PIEZO1: variants seen among roughly 807,000 people sequenced by gnomAD.
PIEZO1 encodes the protein piezo-type mechanosensitive ion channel component 1.
PIEZO1 carries 296 observed loss-of-function variants against 297.2 expected under a neutral mutation model. The observed-to-expected ratio is 1.00, with a 90% CI of 0.91 to 1.10. PIEZO1 has a LOEUF of 1.10. Among genes scored for constraint, PIEZO1 ranks in the 50% least tolerant of loss-of-function variants. The pLI is 0.00. For synonymous variants in PIEZO1, 2,427 were observed against 1,507.5 expected, an observed-to-expected ratio of 1.61 and a Z score of -14.13; for missense variants, 5,018 against 3,455.5, an observed-to-expected ratio of 1.45 and a Z score of -11.34.
At chr16:88,765,275 G>C (rs997589287) in intron 1 of PIEZO1, among the ~76,000 whole-genome samples, 4 of 152,248 alleles carry the variant, frequency 2.6e-5, no homozygotes, top group African/African-American at 9.6e-5. Flanking sequence ...GCAGCCTGGA[G>C]AGGGGGTGTC....
rs903603940 is a variant in PIEZO1 at position 88,721,638 on chromosome 16, T to G, written c.5303A>C (p.Tyr1768Ser). The G allele has an allele frequency of 6.5e-7, 1 of 1,549,960 alleles. No individual in the cohort carries two copies. Among genetic ancestry groups the G allele is most frequent in the South Asian group, 1.2e-5 (1 of 84,042 alleles). ...CAGGCCCAGGATGCGGGGCGGGAAG[T>G]AGGGCTTGTTCTCGTAGCGCCGCAG... ...VVLRRYENKP[Y>S]FPPRILGLEK... Residue 1768 changes from tyrosine to serine, a missense_variant, in exon 38 of 51, where the codon TAC becomes TCC. Coordinates refer to ENST00000301015, the MANE Select transcript of PIEZO1 (RefSeq NM_001142864.4).
Position 88,743,516 on chromosome 16 carries a change from T to C in PIEZO1, c.161-1094A>G, listed in dbSNP as rs770196707. The C allele has an allele frequency of 1.1e-5, 5 of 455,962 alleles. 1 individual carries two copies. Among genetic ancestry groups the C allele is most frequent in the Admixed American group, 7.1e-5 (3 of 42,536 alleles). The allele number at this position is 455,962 out of a possible 1,614,324, so 28.2% of individuals were successfully genotyped here. A position where few individuals can be genotyped will look rare whatever the true frequency, so the allele number is the denominator to read the frequency against. The stretch of plus-strand genomic sequence containing the variant: ...GTAGCATCTGGGTCTGGGTCCAAGG[T>C]GGTGAATGTCACCACCACATCTGCC... On this transcript the variant is annotated intron_variant, in intron 2 of 50. Transcript: ENST00000301015.
intron 19 of PIEZO1, 47 bp downstream of exon 19, chr16:88,733,231 A>G: frequency 6.6e-7 from 1 of 1,507,224 alleles, no homozygotes; most frequent in Admixed American, 2.0e-5. Flanking sequence ...CTGCGAATAC[A>G]GAGTTGCCTG....
At chr16:88,716,937 C>T (rs1360007555) in intron 45 of PIEZO1, 39 bp from the exon 46 acceptor site, 40 of 1,546,588 alleles carry the variant, frequency 2.6e-5, no homozygotes, top group African/African-American at 1.5e-4. Flanking sequence ...CGAAGATGAG[C>T]GTGGAGGAGC....
chr16:88,716,945 A>T, intron 45 of PIEZO1, 47 bp from the exon 46 acceptor site: 1 of 1,546,448 alleles, frequency 6.5e-7, no homozygotes, highest in Non-Finnish European at 8.7e-7. Context: ...AGCGTGGAGG[A>T]GCGGCTGGGG....
chr16:88,731,761 C>A lies in PIEZO1; in HGVS notation c.3141G>T (p.Leu1047=). 6.5e-7 allele frequency: 1 copy of A among 1,549,818 alleles called. No individual in the cohort carries two copies. ...ACAGCAGGTACTGGTACAGCAGGAACAGCGCCAGGAAGAGGCAGTAGTTGG... is the reference window on the plus strand; with the variant it reads ...ACAGCAGGTACTGGTACAGCAGGAAAAGCGCCAGGAAGAGGCAGTAGTTGG... ...LWPNYCLFLA[L]FLLYQYLLCL... is the part of the protein sequence containing the mutation. The change falls in exon 22 of 51, where the codon CTG becomes CTT. Residue 1047 remains leucine, a synonymous_variant. Transcript: ENST00000301015.
At chr16:88,742,019 G>T in intron 4 of PIEZO1, 34 bp downstream of exon 4, 1 of 1,533,986 alleles carries the variant, frequency 6.5e-7, no homozygotes, top group Non-Finnish European at 8.7e-7. Flanking sequence ...CCCAAGGGAG[G>T]CTTGCTGGTT....
chr16:88,747,319 C>T (rs768977058), intron 2 of PIEZO1, among the ~76,000 whole-genome samples: 15 of 151,976 alleles, frequency 9.9e-5, no homozygotes, highest in Non-Finnish European at 8.8e-5. Flanking sequence ...AGTTCAAGAC[C>T]AGCCTGGCCA....
chr16:88,736,126 G>C, intron 12 of PIEZO1, 22 bp downstream of exon 12: 1 of 1,527,986 alleles, frequency 6.5e-7, no homozygotes, highest in Non-Finnish European at 8.8e-7. Flanking sequence ...AGGCACCCCC[G>C]GATGTGGTGG....
chr16:88,730,675 T>TCCTGC (rs1369249079), intron 22 of PIEZO1, among the ~76,000 whole-genome samples: 2 of 149,358 alleles, frequency 1.3e-5, no homozygotes, highest in Non-Finnish European at 3.0e-5. Flanking sequence ...CAAGGGATGC[T>TCCTGC]CCTGCCTCAG....
At position 88,725,827 on chromosome 16, in the gene PIEZO1, T is replaced by C. The variant is rs568207735; in HGVS notation, c.3969-143A>G. 5.6e-4 allele frequency: 347 copies of C among 624,116 alleles called. 5 individuals are homozygous for C. In the South Asian group the frequency reaches 6.3e-3, roughly 11 times the overall value. The allele number at this position is 624,116 out of a possible 1,614,324, so 38.7% of individuals were successfully genotyped here. On this transcript the variant is annotated intron_variant, in intron 27 of 50. Coordinates refer to ENST00000301015, the MANE Select transcript of PIEZO1 (RefSeq NM_001142864.4). ...ACAAGAGGCACCCACGGGGGAGGCA[T>C]CTGCTGCCCCCACCCTCCGTGCTGT...
chr16:88,728,635 CA>C (rs1904624511), intron 22 of PIEZO1, among the ~76,000 whole-genome samples: 1 of 47,908 alleles, frequency 2.1e-5, no homozygotes, highest in East Asian at 1.2e-3. Context: ...AACCTCGCGA[CA>C]CAAAAACAAA....
intron 36 of PIEZO1, 23 bp from the exon 37 acceptor site, chr16:88,722,089 G>T (rs1041149359): frequency 1.6e-5 from 24 of 1,538,602 alleles, no homozygotes; most frequent in Non-Finnish European, 2.0e-5. Context: ...CCGCGTGTTT[G>T]GGGGAGTCTG....
intron 1 of PIEZO1, among the ~76,000 whole-genome samples, chr16:88,759,699 G>A (rs1327275805): frequency 1.3e-5 from 2 of 152,246 alleles, no homozygotes; most frequent in African/African-American, 4.8e-5. Context: ...TGAGGGCTCA[G>A]ACGGATCCCA....
intron 32 of PIEZO1, 29 bp from the exon 33 acceptor site, chr16:88,723,180 G>C (rs1345042464): frequency 1.9e-6 from 3 of 1,549,176 alleles, no homozygotes; most frequent in Non-Finnish European, 2.6e-6. Flanking sequence ...TGAGTGACTG[G>C]CAGTCCCGCG....
At chr16:88,781,511 TC>T (rs1907937136) in intron 1 of PIEZO1, among the ~76,000 whole-genome samples, 1 of 152,216 alleles carries the variant, frequency 6.6e-6, no homozygotes, top group South Asian at 2.1e-4. Flanking sequence ...TCATCCAGCC[TC>T]CAGGCCCAGC....
Position 88,784,893 on chromosome 16 carries a change from C to G in PIEZO1, c.64+8G>C, listed in dbSNP as rs1406765973. 2 of 1,437,886 alleles carry G rather than the reference C, an allele frequency of 1.4e-6. No individual in the cohort carries two copies. The highest frequency in any genetic ancestry group is 2.4e-5 in the Admixed American group (1 of 41,774). 89.1% of individuals were successfully genotyped at this position (1,437,886 alleles called of 1,614,324 possible). A position where few individuals can be genotyped will look rare whatever the true frequency, so the allele number is the denominator to read the frequency against. Reference sequence around the variant, plus strand: ...CCCGTCGCCCCCAGGCGCCCGCCCCCCACTCACCAGCCAGCAGCGCGCAGG... The same window carrying G: ...CCCGTCGCCCCCAGGCGCCCGCCCCGCACTCACCAGCCAGCAGCGCGCAGG... On this transcript the variant is annotated splice_region_variant and intron_variant, in intron 1 of 50. Transcript: ENST00000301015.
At chr16:88,751,667 T>C (rs1029737343) in intron 1 of PIEZO1, among the ~76,000 whole-genome samples, 4 of 141,040 alleles carry the variant, frequency 2.8e-5, no homozygotes, top group African/African-American at 1.0e-4. Context: ...CGATTATACA[T>C]TTTCATTAAA....
rs536842871 is a variant in PIEZO1 at position 88,726,858 on chromosome 16, C to T, written c.3556G>A (p.Gly1186Arg). Reference protein sequence around the residue: ...VTGATRISIFGLGYLLACFYL... With the variant: ...VTGATRISIFRLGYLLACFYL... ...AAGCAGGCCAGCAGGTAGCCCAGCC[C>T]GAAGATGCTGATGCGGGTGGCCCCC... is the stretch of plus-strand genomic sequence containing the variant. Residue 1186 changes from glycine to arginine, a missense_variant, in exon 25 of 51, where the codon GGG becomes AGG. Physicochemically the swap from Gly to Arg is moderately radical, Grantham distance 125. Coordinates refer to ENST00000301015, the MANE Select transcript of PIEZO1 (RefSeq NM_001142864.4). 12 of 1,550,390 alleles carry T rather than the reference C, an allele frequency of 7.7e-6. No individual in the cohort carries two copies. Among genetic ancestry groups the T allele is most frequent in the African/African-American group, 4.1e-5 (3 of 73,152 alleles).
Sources: gnomAD v4.1 joint callset for allele counts (sites outside exome capture counted in the v4.1 genomes callset) on GRCh38, gnomAD v4.1.1 for gene constraint, MANE v1.5 for transcripts, NCBI Gene and HGNC (gene_info 2026-07-23, HGNC 2026-07-21) for gene names.